Variants in ARSG observed in about 807,000 individuals in gnomAD.
ARSG encodes ASG.
In ARSG, 37 loss-of-function variants were observed where a neutral mutation model predicts 50.5. The ratio of observed to expected loss-of-function variants is 0.73; its 90% CI spans 0.56 to 0.96. The LOEUF (loss-of-function observed/expected upper bound fraction) is 0.96. ARSG is among the 50% of genes least tolerant of loss of function. ARSG has a pLI of 0.00. For synonymous variants in ARSG, 225 were observed against 254.6 expected (o/e 0.88, Z 1.11); for missense variants, 629 against 675.3 (o/e 0.93, Z 0.76).
At position 68,323,098 on chromosome 17, in the gene ARSG, G is replaced by T. The variant is rs939458003; in HGVS notation, c.218+15387G>T. Among the ~76,000 whole-genome samples the T allele has an allele frequency of 6.6e-5, 10 of 151,900 alleles. No homozygotes were observed. The East Asian group carries it at 1.9e-3, about 29-fold the overall frequency. ...TTATTGGAAGACATGGAGGGTCTGG[G>T]AGGAGAACTGGTTATTTTTTTTTTG... On this transcript the variant is annotated intron_variant, in intron 2 of 11. Coordinates refer to ENST00000621439, the MANE Select transcript of ARSG (RefSeq NM_001267727.2).
intron 1 of ARSG, among the ~76,000 whole-genome samples, chr17:68,265,473 G>A (rs1210299819): frequency 2.0e-5 from 3 of 152,202 alleles, no homozygotes; most frequent in Middle Eastern, 3.2e-3. Context: ...CAGTCTGGGC[G>A]ACAGAGCAAG....
intron 2 of ARSG, among the ~76,000 whole-genome samples, chr17:68,310,645 G>T (rs73355917): frequency 0.025 from 3,781 of 152,228 alleles, 151 homozygotes; most frequent in African/African-American, 0.087. Context: ...CATGTGGTTC[G>T]GGGGGAATCA....
At chr17:68,266,150 G>T (rs2075155404) in intron 1 of ARSG, among the ~76,000 whole-genome samples, 1 of 151,908 alleles carries the variant, frequency 6.6e-6, no homozygotes, top group East Asian at 1.9e-4. Context: ...ATGTATTTTT[G>T]ATTAATAATT....
At chr17:68,424,226 C>T (rs542927034), downstream of ARSG, among the ~76,000 whole-genome samples, 31 of 152,310 alleles carry the variant, frequency 2.0e-4, no homozygotes, top group African/African-American at 5.1e-4. Flanking sequence ...ATATAAACTT[C>T]ACTTGCCAGC....
At chr17:68,370,966 T>C (rs1403271230) in intron 8 of ARSG, among the ~76,000 whole-genome samples, 1 of 129,896 alleles carries the variant, frequency 7.7e-6, no homozygotes, top group Non-Finnish European at 1.8e-5. Flanking sequence ...TAATGTACAT[T>C]GTCTCCAGTT....
chr17:68,310,910 CTG>C (rs2076827594), intron 2 of ARSG, among the ~76,000 whole-genome samples: 1 of 152,214 alleles, frequency 6.6e-6, no homozygotes, highest in Non-Finnish European at 1.5e-5. Flanking sequence ...AGCTAACAAA[CTG>C]GAGTTTGGCT....
intron 1 of ARSG, among the ~76,000 whole-genome samples, chr17:68,292,110 C>T (rs1439443183): frequency 6.6e-6 from 1 of 152,114 alleles, no homozygotes; most frequent in Non-Finnish European, 1.5e-5. Flanking sequence ...AGCGGCCGGG[C>T]CGCTGCGGGT....
intron 5 of ARSG, among the ~76,000 whole-genome samples, chr17:68,355,825 T>C (rs574520108): frequency 3.5e-4 from 53 of 152,258 alleles, no homozygotes; most frequent in African/African-American, 1.2e-3. Context: ...TTCTCCAAAT[T>C]CTGCAAACAT....
intron 8 of ARSG, among the ~76,000 whole-genome samples, chr17:68,380,942 A>C (rs901579207): frequency 1.3e-5 from 2 of 152,086 alleles, no homozygotes; most frequent in African/African-American, 4.8e-5. Context: ...TATTCCTTGA[A>C]TACTTCTTCA....
chr17:68,279,642 A>G (rs76889767), intron 1 of ARSG, among the ~76,000 whole-genome samples: 2,353 of 152,300 alleles, frequency 0.015, 57 homozygotes, highest in African/African-American at 0.053. Flanking sequence ...TCAAACTGCA[A>G]TAAACATCAG....
chr17:68,289,067 C>T (rs1217031222), upstream of ARSG, among the ~76,000 whole-genome samples: 1 of 152,046 alleles, frequency 6.6e-6, no homozygotes, highest in Non-Finnish European at 1.5e-5. Flanking sequence ...GAGTATTGGC[C>T]GGGTGCGGTA....
intron 2 of ARSG, among the ~76,000 whole-genome samples, chr17:68,314,432 G>A (rs1231902438): frequency 3.3e-5 from 5 of 151,736 alleles, no homozygotes; most frequent in African/African-American, 7.3e-5. Context: ...AGGCTGAGGC[G>A]GGAGAATCAT....
intron 2 of ARSG, among the ~76,000 whole-genome samples, chr17:68,308,884 C>G (rs1216609427): frequency 6.6e-6 from 1 of 152,400 alleles, no homozygotes; most frequent in African/African-American, 2.4e-5. Flanking sequence ...GCAGGTGGAG[C>G]TGCCTGCCAG....
chr17:68,331,587 C>G (rs1028573614), intron 2 of ARSG, among the ~76,000 whole-genome samples: 8 of 152,176 alleles, frequency 5.3e-5, no homozygotes, highest in African/African-American at 1.9e-4. Flanking sequence ...GTCTTGAACT[C>G]CTGAGCTCAG....
intron 1 of ARSG, among the ~76,000 whole-genome samples, chr17:68,261,893 C>G (rs1192353320): frequency 2.0e-5 from 3 of 152,104 alleles, no homozygotes; most frequent in Admixed American, 1.3e-4. Context: ...TGGCTCACAC[C>G]TGTAATCCCA....
At chr17:68,437,947 TTAAAAAAAAAAAA>T in the ARSG span, among the ~76,000 whole-genome samples, 1 of 58,786 alleles carries the variant, frequency 1.7e-5, no homozygotes, top group African/African-American at 7.3e-5. Context: ...GACATCTCTC[TTAAAAAAAAAAAA>T]AAAAAAAAAA....
chr17:68,378,334 G>A lies in ARSG; in HGVS notation c.983-6730G>A, dbSNP rs986012679. Among the ~76,000 whole-genome samples the A allele has an allele frequency of 2.0e-5, 3 of 152,206 alleles. No homozygotes were observed. The highest frequency in any genetic ancestry group is 2.1e-4 in the South Asian group (1 of 4,826). On this transcript the variant is annotated intron_variant, in intron 8 of 11. Coordinates refer to ENST00000621439, the MANE Select transcript of ARSG (RefSeq NM_001267727.2). This position sits in a 1 kb window ranked among gnomAD's most constrained non-coding sequence, Gnocchi z 4.4. ...AAGCCAGGCTGCTGCGTCAGGCCAC[G>A]TGCTGTCTTCCCCTGTTCTCAGGGC... is the stretch of plus-strand genomic sequence containing the variant.
the ARSG span, chr17:68,434,711 G>A: frequency 1.4e-6 from 2 of 1,380,774 alleles, no homozygotes; most frequent in African/African-American, 2.9e-5. Context: ...TGTTTTATTG[G>A]TTTTGAACAT....
chr17:68,358,334 C>T (rs2079125818), intron 6 of ARSG, among the ~76,000 whole-genome samples: 1 of 152,108 alleles, frequency 6.6e-6, no homozygotes, highest in Admixed American at 6.6e-5. Flanking sequence ...TCCAGGATCG[C>T]TCGAGGCCAG....
Sources: allele counts gnomAD v4.1 joint callset (sites outside exome capture counted in the v4.1 genomes callset), GRCh38; gene constraint gnomAD v4.1.1; non-coding constraint Gnocchi (gnomAD v3.1); transcripts MANE v1.5; gene names NCBI Gene and HGNC (gene_info 2026-07-23, HGNC 2026-07-21).